The following LARP4B variants were observed in gnomAD, a reference collection of about 807,000 sequenced individuals.
LARP4B encodes the protein La ribonucleoprotein 4B, also known as la-related protein 4B.
In LARP4B, 12 loss-of-function variants were observed where a neutral mutation model predicts 89.8. The ratio of observed to expected loss-of-function variants is 0.13; its 90% CI spans 0.09 to 0.22. The LOEUF is 0.22. Ranked by LOEUF, LARP4B falls within the 10% of genes least tolerant of loss-of-function variation. The pLI is 1.00. For missense variants in LARP4B, 757 were observed against 947.7 expected, an observed-to-expected ratio of 0.80 and a Z score of 2.64; for synonymous variants, 367 against 363.3, an observed-to-expected ratio of 1.01 and a Z score of -0.12.
chr10:869,941 A>G (rs1835116602), intron 3 of LARP4B: 1 of 190,362 alleles, frequency 5.3e-6, no homozygotes, highest in Non-Finnish European at 9.4e-6. Flanking sequence ...TAATAATAAT[A>G]ATAATAATAA....
At chr10:962,091 G>A in the LARP4B span, among the ~76,000 whole-genome samples, 14 of 152,098 alleles carry the variant, frequency 9.2e-5, no homozygotes, top group East Asian at 1.9e-4. Context: ...TCGGGAGTTC[G>A]AGACCAGCCT....
chr10:940,032 T>TTTC, the LARP4B span, among the ~76,000 whole-genome samples: 1 of 145,384 alleles, frequency 6.9e-6, no homozygotes, highest in African/African-American at 2.6e-5. Context: ...TTTTTTTTTT[T>TTTC]TTGAGACGGA....
At chr10:940,203 G>C in the LARP4B span, among the ~76,000 whole-genome samples, 1 of 152,148 alleles carries the variant, frequency 6.6e-6, no homozygotes, top group African/African-American at 2.4e-5. Context: ...TTTTAGTAGG[G>C]ACGGGGTTTC....
Position 810,864 on chromosome 10 carries a change from C to T in LARP4B, c.*2062G>A, listed in dbSNP as rs1317287899. ...TTCTTTAAAATGCATTTGAAAAACA[C>T]TAGCCCTGTGGCTATTTCTCTGTAT... On this transcript the variant is annotated 3_prime_UTR_variant, in exon 18 of 18. Coordinates refer to ENST00000316157, the MANE Select transcript of LARP4B (RefSeq NM_015155.3). The T allele has an allele frequency of 2.0e-5, 3 of 149,602 alleles. No homozygotes were observed. The highest frequency in any genetic ancestry group is 7.4e-5 in the African/African-American group (3 of 40,564). 9.3% of individuals were successfully genotyped at this position (149,602 alleles called of 1,614,324 possible). A position where few individuals can be genotyped will look rare whatever the true frequency, so the allele number is the denominator to read the frequency against.
At chr10:903,755 T>G (rs1836407136) in intron 1 of LARP4B, among the ~76,000 whole-genome samples, 1 of 152,198 alleles carries the variant, frequency 6.6e-6, no homozygotes. Flanking sequence ...GCTTTCCAAT[T>G]CATCATCACA....
chr10:848,726 CA>C (rs1239617364), intron 5 of LARP4B, among the ~76,000 whole-genome samples: 1 of 152,048 alleles, frequency 6.6e-6, no homozygotes, highest in Non-Finnish European at 1.5e-5. Flanking sequence ...ATGAGAAGCA[CA>C]ACCAGCTGAG....
intron 1 of LARP4B, among the ~76,000 whole-genome samples, chr10:895,694 A>T (rs977530502): frequency 6.6e-6 from 1 of 151,862 alleles, no homozygotes; most frequent in African/African-American, 2.4e-5. Flanking sequence ...AAAAGAAAAG[A>T]AAAGTAGAAA....
At chr10:825,685 T>TTGG in intron 12 of LARP4B, 79 bp downstream of exon 12, 1 of 906,780 alleles carries the variant, frequency 1.1e-6, no homozygotes, top group South Asian at 1.5e-5. Context: ...GCAGGACTAG[T>TTGG]GATCAAAGCT....
upstream of LARP4B, among the ~76,000 whole-genome samples, chr10:933,996 C>G (rs1830718084): frequency 6.6e-6 from 1 of 151,912 alleles, no homozygotes; most frequent in Non-Finnish European, 1.5e-5. Flanking sequence ...CCACGCCCAG[C>G]TAATTTTTTG....
chr10:879,714 G>T (rs941229497), intron 3 of LARP4B, among the ~76,000 whole-genome samples: 1 of 152,074 alleles, frequency 6.6e-6, no homozygotes, highest in Non-Finnish European at 1.5e-5. Flanking sequence ...AAATCCTCCC[G>T]CCTTGGCCTC....
At chr10:911,692 G>A (rs545719536) in intron 1 of LARP4B, among the ~76,000 whole-genome samples, 1 of 152,214 alleles carries the variant, frequency 6.6e-6, no homozygotes, top group East Asian at 1.9e-4. Context: ...CTTCTGGAAG[G>A]GTCTTCTGTT....
chr10:969,288 C>T, the LARP4B span, among the ~76,000 whole-genome samples: 3 of 152,182 alleles, frequency 2.0e-5, no homozygotes, highest in African/African-American at 7.2e-5. Flanking sequence ...TCCCATCTCC[C>T]AACTCCACTC....
chr10:988,276 A>G, the LARP4B span: 577,848 of 580,024 alleles, frequency 1, 287,870 homozygotes, highest in East Asian at 1. Flanking sequence ...CTCGCTCCTG[A>G]GGCCCTCACA....
At chr10:878,726 G>A (rs955757042) in intron 3 of LARP4B, among the ~76,000 whole-genome samples, 2 of 152,154 alleles carry the variant, frequency 1.3e-5, no homozygotes, top group African/African-American at 2.4e-5. Context: ...CACATCTGTC[G>A]CTTCCTCCCA....
chr10:946,085 CTTGAA>C, the LARP4B span, among the ~76,000 whole-genome samples: 1 of 152,176 alleles, frequency 6.6e-6, no homozygotes, highest in African/African-American at 2.4e-5. Flanking sequence ...TTCTTTACAT[CTTGAA>C]TTGAAGTCAA....
chr10:917,632 G>A (rs1836858090), intron 1 of LARP4B, among the ~76,000 whole-genome samples: 2 of 152,168 alleles, frequency 1.3e-5, no homozygotes, highest in African/African-American at 2.4e-5. Context: ...CTTACTTTCT[G>A]ACAAGCCCAG....
intron 1 of LARP4B, among the ~76,000 whole-genome samples, chr10:893,974 A>T (rs1200727095): frequency 1.3e-5 from 2 of 152,224 alleles, no homozygotes; most frequent in Non-Finnish European, 2.9e-5. Context: ...TGCATTTCTG[A>T]ATAACCAAAA....
intron 3 of LARP4B, chr10:873,136 G>A (rs901412850): frequency 4.1e-6 from 4 of 985,280 alleles, no homozygotes; most frequent in African/African-American, 1.7e-5. Flanking sequence ...TGCTGAAGCA[G>A]CAGCCCATGT....
At chr10:916,035 G>A (rs867518655) in intron 1 of LARP4B, among the ~76,000 whole-genome samples, 1 of 152,048 alleles carries the variant, frequency 6.6e-6, no homozygotes, top group South Asian at 2.1e-4. Flanking sequence ...AGACCTATTA[G>A]GCTTAATTGG....
Sources: allele counts gnomAD v4.1 joint callset (sites outside exome capture counted in the v4.1 genomes callset), GRCh38; gene constraint gnomAD v4.1.1; transcripts MANE v1.5; gene names NCBI Gene and HGNC (gene_info 2026-07-23, HGNC 2026-07-21).